Variants in AGMO observed in about 807,000 individuals in gnomAD.
AGMO encodes the protein alkylglycerol monooxygenase, also known as glyceryl-ether monooxygenase.
Under a neutral mutation model 60.2 loss-of-function variants are expected in AGMO, and 75 were observed. That is an observed-to-expected ratio of 1.25 (90% CI 1.03 to 1.51). The LOEUF is 1.51. Ranked by LOEUF, AGMO falls within the 40% of genes most tolerant of loss-of-function variation. AGMO has a pLI of 0.00. For synonymous variants in AGMO, 261 were observed against 177.1 expected (o/e 1.47, Z -3.76); for missense variants, 763 against 525.5 (o/e 1.45, Z -4.42).
intron 3 of AGMO, among the ~76,000 whole-genome samples, chr7:15,483,825 C>G (rs1782837487): frequency 6.6e-6 from 1 of 151,772 alleles, no homozygotes; most frequent in Admixed American, 6.6e-5. Flanking sequence ...AGGGACTGTG[C>G]AAGATGATTA....
At chr7:15,322,211 TTAAAGA>T (rs1182592830) in intron 12 of AGMO, among the ~76,000 whole-genome samples, 1 of 149,820 alleles carries the variant, frequency 6.7e-6, no homozygotes, top group Non-Finnish European at 1.5e-5. Flanking sequence ...TACATCCTTG[TTAAAGA>T]TAAATATATA....
the AGMO span, among the ~76,000 whole-genome samples, chr7:15,188,723 G>A: frequency 2.0e-5 from 3 of 151,812 alleles, no homozygotes; most frequent in African/African-American, 7.3e-5. Context: ...TAGAAAAGCA[G>A]ATAAATATAA....
chr7:15,196,061 T>C (rs995448601), downstream of AGMO, among the ~76,000 whole-genome samples: 1 of 151,836 alleles, frequency 6.6e-6, no homozygotes, highest in African/African-American at 2.4e-5. Flanking sequence ...TCCTCTCCTT[T>C]TTGACAGAGT....
At chr7:15,202,277 G>C (rs1563032569) in intron 12 of AGMO, among the ~76,000 whole-genome samples, 1 of 151,836 alleles carries the variant, frequency 6.6e-6, no homozygotes, top group Non-Finnish European at 1.5e-5. Flanking sequence ...TATACAAAGA[G>C]AGAACATTTA....
chr7:15,478,934 C>G (rs899380217), intron 3 of AGMO, among the ~76,000 whole-genome samples: 2 of 152,040 alleles, frequency 1.3e-5, no homozygotes, highest in African/African-American at 4.8e-5. Flanking sequence ...TGTTCATCAT[C>G]TAGGATAGGT....
At position 15,529,488 on chromosome 7, in the gene AGMO, C is replaced by A. The variant is rs1727654091; in HGVS notation, c.409+15284G>T. Among the ~76,000 whole-genome samples, 3 of 133,762 alleles carry A rather than the reference C, an allele frequency of 2.2e-5. No homozygotes were observed. In the South Asian group the frequency reaches 6.9e-4, roughly 31 times the overall value. The allele number at this position is 133,762 out of a possible 152,430, so 87.8% of individuals were successfully genotyped here. ...GCTCAGGTTCTACCCCCTAGAGATT[C>A]TAAGATTCTAGTTCTTAGACTAGAA... On this transcript the variant is annotated intron_variant, in intron 3 of 12. Transcript: ENST00000342526.
chr7:15,526,126 C>T (rs190183681), intron 3 of AGMO, among the ~76,000 whole-genome samples: 1 of 152,152 alleles, frequency 6.6e-6, no homozygotes, highest in East Asian at 1.9e-4. Flanking sequence ...CCAGGCACTG[C>T]CCGGCGGGCT....
chr7:15,173,784 A>G, the AGMO span, among the ~76,000 whole-genome samples: 1 of 151,478 alleles, frequency 6.6e-6, no homozygotes, highest in Non-Finnish European at 1.5e-5. Flanking sequence ...AAATTTGAAA[A>G]TTTAGTTTAA....
rs146673329 is a variant in AGMO, at chr7:15,363,893, C to T, written c.1263+1621G>A. On this transcript the variant is annotated intron_variant, in intron 12 of 12. Transcript: ENST00000342526. ...ATGCCTTAAATTAGAATGTGCCCCT[C>T]ATCTAAGGTGTTAAAGTGCCATTTT... Among the ~76,000 whole-genome samples the T allele has an allele frequency of 5.9e-3, 894 of 152,080 alleles. 7 individuals carry two copies. Among genetic ancestry groups the T allele is most frequent in the African/African-American group, 0.019 (787 of 41,510 alleles).
At chr7:15,315,441 G>A (rs560690530) in intron 12 of AGMO, among the ~76,000 whole-genome samples, 4 of 140,886 alleles carry the variant, frequency 2.8e-5, no homozygotes, top group Non-Finnish European at 6.0e-5. Flanking sequence ...TAGTTCAAGC[G>A]ATTCTCCTGC....
At chr7:15,517,651 C>G (rs1425365961) in intron 3 of AGMO, among the ~76,000 whole-genome samples, 1 of 152,038 alleles carries the variant, frequency 6.6e-6, no homozygotes, top group Non-Finnish European at 1.5e-5. Context: ...TATGCTTTTC[C>G]CATGGTCTTC....
intron 3 of AGMO, among the ~76,000 whole-genome samples, chr7:15,458,626 T>C (rs571403311): frequency 1.3e-5 from 2 of 152,334 alleles, no homozygotes; most frequent in South Asian, 4.1e-4. Flanking sequence ...CTGCACATTA[T>C]CTTGGATTTT....
At chr7:15,307,434 C>T (rs968702271) in intron 12 of AGMO, among the ~76,000 whole-genome samples, 27 of 151,870 alleles carry the variant, frequency 1.8e-4, no homozygotes, top group Middle Eastern at 3.2e-3. Context: ...TTTAGATGGG[C>T]TAATCAATTA....
At chr7:15,250,183 C>T (rs1296364069) in intron 12 of AGMO, among the ~76,000 whole-genome samples, 2 of 152,058 alleles carry the variant, frequency 1.3e-5, no homozygotes, top group African/African-American at 4.8e-5. Context: ...CTAGTTGATC[C>T]CTATAAATGA....
At chr7:15,231,905 G>T (rs777280961) in intron 12 of AGMO, among the ~76,000 whole-genome samples, 1 of 152,094 alleles carries the variant, frequency 6.6e-6, no homozygotes, top group Non-Finnish European at 1.5e-5. Context: ...TAATAAAGTA[G>T]TTACTTATAT....
chr7:15,163,986 T>A, the AGMO span, among the ~76,000 whole-genome samples: 1 of 152,060 alleles, frequency 6.6e-6, no homozygotes, highest in Non-Finnish European at 1.5e-5. Flanking sequence ...TTGGGAGATT[T>A]CTTATTACTG....
intron 12 of AGMO, among the ~76,000 whole-genome samples, chr7:15,202,581 A>G (rs12538095): frequency 0.13 from 20,249 of 151,160 alleles, 1,459 homozygotes; most frequent in Non-Finnish European, 0.15. Flanking sequence ...CATCCTTCAC[A>G]TTAGTCAGGT....
chr7:15,430,393 CA>C (rs201115742), intron 4 of AGMO, among the ~76,000 whole-genome samples: 1 of 150,998 alleles, frequency 6.6e-6, no homozygotes, highest in Admixed American at 6.6e-5. Context: ...AGGAAGATGA[CA>C]AAAAAAGGGA....
At chr7:15,413,293 C>A (rs752662705) in intron 5 of AGMO, among the ~76,000 whole-genome samples, 1 of 152,010 alleles carries the variant, frequency 6.6e-6, no homozygotes, top group Non-Finnish European at 1.5e-5. Flanking sequence ...AATCTGGATA[C>A]AAGAGAAAGT....
Sources: allele counts gnomAD v4.1 joint callset (sites outside exome capture counted in the v4.1 genomes callset), GRCh38; gene constraint gnomAD v4.1.1; transcripts MANE v1.5; gene names NCBI Gene and HGNC (gene_info 2026-07-23, HGNC 2026-07-21).